Variants in PCDH9 observed in about 807,000 individuals in gnomAD.
PCDH9 encodes protocadherin-9.
Under a neutral mutation model 70.6 loss-of-function variants are expected in PCDH9, and 24 were observed. The ratio of observed to expected loss-of-function variants is 0.34; its 90% CI spans 0.25 to 0.48. The LOEUF (loss-of-function observed/expected upper bound fraction) is 0.48, where lower values mean the gene tolerates loss of function less well. PCDH9 is among the 20% of genes least tolerant of loss of function. The pLI, the probability that PCDH9 is intolerant of heterozygous loss-of-function variation, is 0.99. For missense variants in PCDH9, 1,281 were observed against 1,503.6 expected, an observed-to-expected ratio of 0.85 and a Z score of 2.45; for synonymous variants, 562 against 558.5, an observed-to-expected ratio of 1.01 and a Z score of -0.09.
At chr13:66,427,489 T>TACA in intron 4 of PCDH9, among the ~76,000 whole-genome samples, 1 of 151,756 alleles carries the variant, frequency 6.6e-6, no homozygotes, top group African/African-American at 2.4e-5. Context: ...GACATGTGTT[T>TACA]TGTGTTAGTT....
intron 4 of PCDH9, among the ~76,000 whole-genome samples, chr13:66,491,385 T>TGTGTGTG (rs1555299289): frequency 1.5e-5 from 2 of 136,030 alleles, no homozygotes; most frequent in Non-Finnish European, 3.1e-5. Flanking sequence ...GCAGGAGATA[T>TGTGTGTG]TGTGTGTGTG....
intron 3 of PCDH9, among the ~76,000 whole-genome samples, chr13:66,790,020 A>C (rs2080139753): frequency 1.3e-5 from 2 of 152,160 alleles, no homozygotes; most frequent in South Asian, 4.1e-4. Context: ...CAGGGTAGTT[A>C]CCAGGTAATG....
chr13:66,471,491 A>G (rs1176380617), intron 4 of PCDH9, among the ~76,000 whole-genome samples: 1 of 152,188 alleles, frequency 6.6e-6, no homozygotes, highest in Non-Finnish European at 1.5e-5. Context: ...CAGCTTGTGT[A>G]TGTGTAATTC....
intron 2 of PCDH9, chr13:67,218,909 G>A (rs2089665951): frequency 6.6e-6 from 1 of 151,948 alleles, no homozygotes; most frequent in African/African-American, 2.4e-5. Flanking sequence ...TGTGCTTATG[G>A]CACTCTAATC....
chr13:66,699,506 G>C (rs1356921124), intron 3 of PCDH9, among the ~76,000 whole-genome samples: 1 of 152,020 alleles, frequency 6.6e-6, no homozygotes, highest in Admixed American at 6.6e-5. Flanking sequence ...GTCCGTATAA[G>C]ACACACATAG....
At position 66,431,478 on chromosome 13, in the gene PCDH9, A is replaced by G. The variant is rs147446805; in HGVS notation, c.3341-126450T>C. 4.1e-3 allele frequency among the ~76,000 whole-genome samples: 627 copies of G among 152,156 alleles called. 21 individuals carry two copies. The East Asian group carries it at 0.079, about 19-fold the overall frequency. On this transcript the variant is annotated intron_variant, in intron 4 of 4. Transcript: ENST00000377865. ...CACTCTACTCCATGATCTTATTCAAACTGTTAACTGTTTATGGTGATTTAT... is the reference window on the plus strand; with the variant it reads ...CACTCTACTCCATGATCTTATTCAAGCTGTTAACTGTTTATGGTGATTTAT...
chr13:66,313,935 T>C (rs1370011663), intron 4 of PCDH9, among the ~76,000 whole-genome samples: 1 of 152,182 alleles, frequency 6.6e-6, no homozygotes. Flanking sequence ...ATATTTTAAA[T>C]GGAATAAAAC....
intron 4 of PCDH9, among the ~76,000 whole-genome samples, chr13:66,360,704 A>G (rs191569041): frequency 6.6e-6 from 1 of 152,228 alleles, no homozygotes; most frequent in East Asian, 1.9e-4. Context: ...AATTGACACA[A>G]TTCATGTTTC....
chr13:66,662,616 T>C (rs983494487), intron 3 of PCDH9, among the ~76,000 whole-genome samples: 23 of 152,302 alleles, frequency 1.5e-4, no homozygotes, highest in African/African-American at 5.3e-4. Context: ...ACATAAGGAC[T>C]AGCTTGGAGC....
chr13:66,323,151 C>T (rs1955784290), intron 4 of PCDH9: 1 of 151,880 alleles, frequency 6.6e-6, no homozygotes, highest in South Asian at 2.1e-4. Flanking sequence ...ACCTAAAATC[C>T]TTGGTCTCTG....
At chr13:66,805,052 C>T (rs921629339) in intron 3 of PCDH9, among the ~76,000 whole-genome samples, 1 of 152,074 alleles carries the variant, frequency 6.6e-6, no homozygotes, top group African/African-American at 2.4e-5. Flanking sequence ...TCCTATTCTA[C>T]CACCTCCCTT....
intron 4 of PCDH9, among the ~76,000 whole-genome samples, chr13:66,348,852 T>G (rs1956251827): frequency 6.6e-6 from 1 of 152,168 alleles, no homozygotes; most frequent in Non-Finnish European, 1.5e-5. Context: ...TATTTTATTT[T>G]CTGAAAACCA....
chr13:66,451,048 C>A (rs986352755), intron 4 of PCDH9, among the ~76,000 whole-genome samples: 2 of 152,120 alleles, frequency 1.3e-5, no homozygotes, highest in African/African-American at 4.8e-5. Context: ...TTAGGAGATA[C>A]ACCTAATGTA....
At chr13:66,583,815 T>C (rs2076927657) in intron 4 of PCDH9, among the ~76,000 whole-genome samples, 1 of 152,164 alleles carries the variant, frequency 6.6e-6, no homozygotes, top group African/African-American at 2.4e-5. Context: ...AACAGAGAAA[T>C]ATAACTTCTT....
chr13:67,189,588 T>C (rs1593591571), intron 2 of PCDH9, among the ~76,000 whole-genome samples: 2 of 152,018 alleles, frequency 1.3e-5, no homozygotes, highest in Non-Finnish European at 1.5e-5. Context: ...ACCTGCCTGA[T>C]AAAATTTCTT....
intron 2 of PCDH9, chr13:67,222,853 C>T (rs35120380): frequency 0.1 from 15,535 of 152,058 alleles, 944 homozygotes; most frequent in South Asian, 0.17. Context: ...TCATACAGTT[C>T]AGTGAAAACA....
At chr13:67,199,766 C>A (rs1046125344) in intron 2 of PCDH9, among the ~76,000 whole-genome samples, 2 of 152,060 alleles carry the variant, frequency 1.3e-5, no homozygotes, top group African/African-American at 4.8e-5. Context: ...TACCAACAAG[C>A]CGCTTGCTCA....
intron 4 of PCDH9, among the ~76,000 whole-genome samples, chr13:66,617,612 A>G (rs1190252444): frequency 6.6e-6 from 1 of 152,146 alleles, no homozygotes; most frequent in Non-Finnish European, 1.5e-5. Flanking sequence ...GCAAAACAGT[A>G]AAGTTTTTTT....
At chr13:66,958,878 C>T (rs1441670803) in intron 2 of PCDH9, among the ~76,000 whole-genome samples, 1 of 152,122 alleles carries the variant, frequency 6.6e-6, no homozygotes, top group Non-Finnish European at 1.5e-5. Flanking sequence ...TATACTTAGA[C>T]GTTTTTCTCA....
Sources: allele counts gnomAD v4.1 joint callset (sites outside exome capture counted in the v4.1 genomes callset), GRCh38; gene constraint gnomAD v4.1.1; transcripts MANE v1.5; gene names NCBI Gene and HGNC (gene_info 2026-07-23, HGNC 2026-07-21).